Variants in DSC1 observed in about 807,000 individuals in gnomAD.
DSC1 encodes desmocollin-1.
DSC1 carries 79 observed loss-of-function variants against 98.8 expected under a neutral mutation model. The ratio of observed to expected loss-of-function variants is 0.80; its 90% CI spans 0.67 to 0.96. The LOEUF is 0.96. DSC1 is among the 50% of genes least tolerant of loss of function. The pLI, the probability that DSC1 is intolerant of heterozygous loss-of-function variation, is 0.00. For missense variants in DSC1, 1,115 were observed against 1,075.9 expected, an observed-to-expected ratio of 1.04 and a Z score of -0.51; for synonymous variants, 405 against 372.1, an observed-to-expected ratio of 1.09 and a Z score of -1.02.
intron 14 of DSC1, 48 bp downstream of exon 14, chr18:31,132,520 C>A (rs771996436): frequency 6.2e-7 from 1 of 1,602,246 alleles, no homozygotes; most frequent in South Asian, 1.1e-5. Flanking sequence ...AATAATCTGT[C>A]ATCATTTGTT....
chr18:31,140,543 C>T (rs931309102), intron 9 of DSC1, among the ~76,000 whole-genome samples: 6 of 152,096 alleles, frequency 3.9e-5, no homozygotes, highest in South Asian at 2.1e-4. Flanking sequence ...ATCTTGCCTT[C>T]GGCCTTTTTC....
intron 5 of DSC1, among the ~76,000 whole-genome samples, chr18:31,154,008 A>G (rs1416262619): frequency 6.6e-6 from 1 of 152,190 alleles, no homozygotes; most frequent in Non-Finnish European, 1.5e-5. Flanking sequence ...ATCATTCAAG[A>G]CAATAAATGC....
At chr18:31,152,639 A>T (rs1989023631) in intron 5 of DSC1, among the ~76,000 whole-genome samples, 1 of 152,088 alleles carries the variant, frequency 6.6e-6, no homozygotes, top group Non-Finnish European at 1.5e-5. Flanking sequence ...AACACTACTG[A>T]GGTTGGGAAC....
At chr18:31,132,048 T>A in intron 14 of DSC1, 2 of 608,310 alleles carry the variant, frequency 3.3e-6, no homozygotes, top group Non-Finnish European at 5.7e-6. Context: ...TAACTCAGAA[T>A]GTGAACTTAT....
chr18:31,155,617 CTA>C (rs1281105126), intron 4 of DSC1, among the ~76,000 whole-genome samples: 1 of 152,140 alleles, frequency 6.6e-6, no homozygotes, highest in East Asian at 1.9e-4. Context: ...CAAAACTGTT[CTA>C]TGTTTGCAAT....
chr18:31,132,618 G>C lies in DSC1; in HGVS notation c.2188C>G (p.Gln730Glu). Reference protein sequence around the residue: ...VKKCFPEDIAQQNLIVSNTEG... With the variant: ...VKKCFPEDIAEQNLIVSNTEG... ...GTATTTGATACAATTAAATTTTGCT[G>C]GGCTATGTCTTCTGGAAAACATTTC... The change falls in exon 14 of 16, where the codon CAG becomes GAG. Residue 730 changes from glutamine (Q) to glutamate (E), a missense_variant. Gln to Glu is a conservative substitution (Grantham distance 29, BLOSUM62 2). Transcript: ENST00000257198. The C allele has an allele frequency of 2.5e-6, 4 of 1,613,456 alleles. No homozygotes were observed. The highest frequency in any genetic ancestry group is 1.1e-5 in the South Asian group (1 of 91,044).
chr18:31,147,856 G>T (rs1988878603), intron 6 of DSC1, among the ~76,000 whole-genome samples: 1 of 151,972 alleles, frequency 6.6e-6, no homozygotes, highest in Non-Finnish European at 1.5e-5. Context: ...CTGTATGTTT[G>T]ATTACATCAC....
At chr18:31,142,800 A>G (rs950447073) in intron 8 of DSC1, among the ~76,000 whole-genome samples, 5 of 152,122 alleles carry the variant, frequency 3.3e-5, no homozygotes, top group Non-Finnish European at 5.9e-5. Context: ...ATATAGGAGG[A>G]TGATAGACAC....
intron 13 of DSC1, among the ~76,000 whole-genome samples, 188 bp from the exon 14 acceptor site, chr18:31,132,877 T>G (rs1988527267): frequency 6.6e-6 from 1 of 152,200 alleles, no homozygotes; most frequent in East Asian, 1.9e-4. Flanking sequence ...AGATTAATAA[T>G]AGCTCTCTTC....
intron 3 of DSC1, 120 bp from the exon 4 acceptor site, chr18:31,156,282 T>A (rs1989096806): frequency 8.3e-7 from 1 of 1,211,716 alleles, no homozygotes; most frequent in African/African-American, 1.5e-5. Flanking sequence ...TCATGGCTAG[T>A]CAGCAAAGCA....
At chr18:31,145,468 A>G (rs111487268) in intron 7 of DSC1, 143 bp downstream of exon 7, 1 of 771,050 alleles carries the variant, frequency 1.3e-6, no homozygotes, top group Non-Finnish European at 2.1e-6. Flanking sequence ...AGGACCGAGG[A>G]CATCTCCAGA....
At chr18:31,156,216 T>G in intron 3 of DSC1, 54 bp from the exon 4 acceptor site, 1 of 1,586,994 alleles carries the variant, frequency 6.3e-7, no homozygotes. Flanking sequence ...TTTTTGGAAC[T>G]GTGATTATTT....
intron 11 of DSC1, among the ~76,000 whole-genome samples, chr18:31,136,657 C>T (rs112138800): frequency 3.9e-5 from 6 of 152,286 alleles, no homozygotes; most frequent in Admixed American, 1.3e-4. Context: ...ACATAAAATA[C>T]ACTAACACCA....
intron 14 of DSC1, chr18:31,132,129 C>T (rs1465923463): frequency 4.2e-5 from 18 of 431,398 alleles, no homozygotes; most frequent in Admixed American, 2.6e-4. Flanking sequence ...GGTCCCTAAG[C>T]GAATATAATC....
At chr18:31,146,451 G>A (rs574611839) in intron 6 of DSC1, among the ~76,000 whole-genome samples, 1 of 152,242 alleles carries the variant, frequency 6.6e-6, no homozygotes, top group East Asian at 1.9e-4. Context: ...GTATTCTATG[G>A]CATTTGTGTA....
chr18:31,134,923 C>T, intron 11 of DSC1, 139 bp from the exon 12 acceptor site: 2 of 723,434 alleles, frequency 2.8e-6, no homozygotes, highest in African/African-American at 3.6e-5. Flanking sequence ...AGATTTCAGA[C>T]ACCAAGACTA....
At chr18:31,138,102 C>T (rs1372762122) in intron 11 of DSC1, among the ~76,000 whole-genome samples, 1 of 151,974 alleles carries the variant, frequency 6.6e-6, no homozygotes, top group Non-Finnish European at 1.5e-5. Flanking sequence ...TTATTAAACA[C>T]ACCCAGGTTA....
chr18:31,140,041 C>G lies in DSC1; in HGVS notation c.1520+1G>C. ...AAGGAGCTTTTTGAAAAGTACATCA[C>G]CTTAAGCCTTCACCACTGGATATTT... On this transcript the variant is annotated splice_donor_variant, in intron 10 of 15. Coordinates refer to ENST00000257198, the MANE Select transcript of DSC1 (RefSeq NM_024421.2). LOFTEE classifies it high-confidence loss of function. 6.2e-7 allele frequency: 1 copy of G among 1,613,336 alleles called. No homozygotes were observed. The highest frequency in any genetic ancestry group is 1.1e-5 in the South Asian group (1 of 90,992).
intron 8 of DSC1, 147 bp from the exon 9 acceptor site, chr18:31,142,331 C>G (rs113925091): frequency 2.5e-6 from 2 of 807,042 alleles, no homozygotes; most frequent in Non-Finnish European, 1.9e-6. Context: ...AAATTTAATG[C>G]GTAGCTTAGT....
Sources: allele counts gnomAD v4.1 joint callset (sites outside exome capture counted in the v4.1 genomes callset), GRCh38; gene constraint gnomAD v4.1.1; transcripts MANE v1.5; gene names NCBI Gene and HGNC (gene_info 2026-07-23, HGNC 2026-07-21).